The following SLCO2A1 variants were observed in gnomAD, a reference collection of about 807,000 sequenced individuals.
SLCO2A1 encodes the protein solute carrier organic anion transporter family member 2A1.
Under a neutral mutation model 71.7 loss-of-function variants are expected in SLCO2A1, and 60 were observed. The ratio of observed to expected loss-of-function variants is 0.84; its 90% CI spans 0.68 to 1.04. SLCO2A1 has a LOEUF of 1.04. Among genes scored for constraint, SLCO2A1 ranks in the 50% least tolerant of loss-of-function variants. The pLI is 0.00. For missense variants in SLCO2A1, 745 were observed against 813.4 expected (o/e 0.92, Z 1.02); for synonymous variants, 308 against 326.7 (o/e 0.94, Z 0.62).
intron 1 of SLCO2A1, among the ~76,000 whole-genome samples, chr3:133,981,559 A>G (rs1186203151): frequency 6.6e-6 from 1 of 152,188 alleles, no homozygotes; most frequent in Non-Finnish European, 1.5e-5. Flanking sequence ...GAAGCCTCAA[A>G]TGCTTTATTT....
At chr3:133,971,693 C>T (rs1934330860) in intron 3 of SLCO2A1, among the ~76,000 whole-genome samples, 1 of 152,142 alleles carries the variant, frequency 6.6e-6, no homozygotes, top group African/African-American at 2.4e-5. Flanking sequence ...CTCAGCACCT[C>T]CCTGGGGGCT....
intron 10 of SLCO2A1, among the ~76,000 whole-genome samples, chr3:133,943,290 C>G (rs150740094): frequency 3.9e-5 from 6 of 152,148 alleles, no homozygotes; most frequent in Non-Finnish European, 7.3e-5. Context: ...AGAAGGAGGC[C>G]CCTGTCTCAA....
chr3:133,951,055 A>T, intron 6 of SLCO2A1, 153 bp downstream of exon 6: 1 of 1,001,654 alleles, frequency 1.0e-6, no homozygotes, highest in Non-Finnish European at 1.6e-6. Flanking sequence ...CTCACCTCTT[A>T]AAGCCTCTGG....
intron 1 of SLCO2A1, among the ~76,000 whole-genome samples, chr3:134,003,997 T>C (rs961696489): frequency 6.6e-6 from 1 of 152,200 alleles, no homozygotes; most frequent in African/African-American, 2.4e-5. Flanking sequence ...CCAGCCTGCC[T>C]GGGATCATCC....
chr3:133,953,645 T>C lies in SLCO2A1; in HGVS notation c.724+18A>G, dbSNP rs758252873. On this transcript the variant is annotated intron_variant, in intron 5 of 13. Coordinates refer to ENST00000310926, the MANE Select transcript of SLCO2A1 (RefSeq NM_005630.3). ...ATTGAGCTGGGGATGGGAATGGGTG[T>C]CCTCTGCACATACTCACCTGTGTTG... The C allele has an allele frequency of 6.3e-7, 1 of 1,599,124 alleles. No homozygotes were observed. The highest frequency in any genetic ancestry group is 8.6e-7 in the Non-Finnish European group (1 of 1,166,628).
At position 133,979,553 on chromosome 3, in the gene SLCO2A1, G is replaced by T; in HGVS notation, c.162C>A (p.Ser54Arg). 6.2e-7 allele frequency: 1 copy of T among 1,614,144 alleles called. No individual in the cohort carries two copies. Among genetic ancestry groups the T allele is most frequent in the Non-Finnish European group, 8.5e-7 (1 of 1,179,988 alleles). The change falls in exon 2 of 14, where the codon AGC (serine) becomes AGA (arginine). Residue 54 changes from serine to arginine, a missense_variant. Coordinates refer to ENST00000310926, the MANE Select transcript of SLCO2A1 (RefSeq NM_005630.3). ...AGCGCTTCTCAATGGTGGTGAGGCT[G>T]CTCTTGAAGTAGGCGCTGTACAGGA... is the stretch of plus-strand genomic sequence containing the variant. ...CQLLYSAYFK[S>R]SLTTIEKRFG...
chr3:133,992,880 T>G (rs2108065425), intron 1 of SLCO2A1, among the ~76,000 whole-genome samples: 1 of 152,292 alleles, frequency 6.6e-6, no homozygotes, highest in East Asian at 1.9e-4. Context: ...TCGTGCAACC[T>G]TATTACTCTT....
At chr3:133,960,028 G>A (rs1933998563) in intron 3 of SLCO2A1, among the ~76,000 whole-genome samples, 1 of 152,300 alleles carries the variant, frequency 6.6e-6, no homozygotes, top group African/African-American at 2.4e-5. Context: ...GCTGAGGCAG[G>A]AGAATGGCGT....
At chr3:134,002,130 C>T (rs1357063101) in intron 1 of SLCO2A1, among the ~76,000 whole-genome samples, 2 of 152,238 alleles carry the variant, frequency 1.3e-5, no homozygotes, top group East Asian at 3.8e-4. Flanking sequence ...TGACTCCAGC[C>T]TCCCAAAACG....
intron 1 of SLCO2A1, among the ~76,000 whole-genome samples, chr3:134,007,241 G>T (rs1402063703): frequency 6.6e-6 from 1 of 152,122 alleles, no homozygotes. Context: ...TATATGATTT[G>T]CAGACATTTT....
At chr3:133,948,142 C>T (rs1394449529) in intron 8 of SLCO2A1, among the ~76,000 whole-genome samples, 1 of 152,146 alleles carries the variant, frequency 6.6e-6, no homozygotes, top group Non-Finnish European at 1.5e-5. Context: ...TATTGTCTAA[C>T]CAAAGCAAAT....
chr3:133,980,889 C>T (rs1934573056), intron 1 of SLCO2A1, among the ~76,000 whole-genome samples: 1 of 152,234 alleles, frequency 6.6e-6, no homozygotes, highest in Non-Finnish European at 1.5e-5. Flanking sequence ...CTCCTGACTG[C>T]CACCTGAACC....
chr3:133,944,836 C>A (rs1263011660), intron 10 of SLCO2A1, among the ~76,000 whole-genome samples: 1 of 152,214 alleles, frequency 6.6e-6, no homozygotes, highest in Non-Finnish European at 1.5e-5. Flanking sequence ...CTGCTCTGAG[C>A]AGTTAGGCCT....
At position 133,935,870 on chromosome 3, in the gene SLCO2A1, C is replaced by T; in HGVS notation, c.1718G>A (p.Gly573Asp). The T allele has an allele frequency of 1.9e-6, 3 of 1,607,228 alleles. No individual in the cohort carries two copies. Among genetic ancestry groups the T allele is most frequent in the Non-Finnish European group, 2.6e-6 (3 of 1,176,034 alleles). The change falls in exon 13 of 14, where the codon GGC (glycine) becomes GAC (aspartate). Residue 573 changes from glycine (G) to aspartate (D), a missense_variant. By Grantham distance (94) the Gly-to-Asp change is moderately conservative. Coordinates refer to ENST00000310926, the MANE Select transcript of SLCO2A1 (RefSeq NM_005630.3). ...LAWLPSPALY[G>D]LTIDHSCIRW... is the part of the protein sequence containing the mutation. ...GATGCAGGAGTGGTCAATGGTGAGGCCATAGAGGGCTGGAGATGGCAGCCA... is the reference window on the plus strand; with the variant it reads ...GATGCAGGAGTGGTCAATGGTGAGGTCATAGAGGGCTGGAGATGGCAGCCA...
At chr3:133,968,008 T>A (rs1295424161) in intron 3 of SLCO2A1, among the ~76,000 whole-genome samples, 4 of 112,358 alleles carry the variant, frequency 3.6e-5, no homozygotes, top group Non-Finnish European at 7.3e-5. Context: ...CACACACACT[T>A]CCCCATCACA....
rs138159233 is a variant in SLCO2A1 at position 134,022,776 on chromosome 3, C to T, written c.96+6931G>A. On this transcript the variant is annotated intron_variant, in intron 1 of 13. Coordinates refer to ENST00000310926, the MANE Select transcript of SLCO2A1 (RefSeq NM_005630.3). ...ATCATATGAGAAGCACTGTTAAATG[C>T]AAAATGGTATTTGGCTTTCTTTGGT... 2.7e-3 allele frequency among the ~76,000 whole-genome samples: 407 copies of T among 152,204 alleles called. 7 individuals carry two copies. Among genetic ancestry groups the T allele is most frequent in the African/African-American group, 9.4e-3 (390 of 41,542 alleles).
At chr3:133,988,000 C>T (rs529019536) in intron 1 of SLCO2A1, among the ~76,000 whole-genome samples, 2 of 152,328 alleles carry the variant, frequency 1.3e-5, no homozygotes, top group South Asian at 2.1e-4. Flanking sequence ...ACAGAAAAAC[C>T]TTATTCTCAC....
At chr3:134,007,870 C>T (rs1031028006) in intron 1 of SLCO2A1, among the ~76,000 whole-genome samples, 1 of 152,192 alleles carries the variant, frequency 6.6e-6, no homozygotes, top group Non-Finnish European at 1.5e-5. Flanking sequence ...GTGTTCAATT[C>T]ATTCTTCATT....
intron 1 of SLCO2A1, among the ~76,000 whole-genome samples, chr3:134,024,014 A>C (rs146807131): frequency 6.6e-6 from 1 of 152,256 alleles, no homozygotes; most frequent in Non-Finnish European, 1.5e-5. Flanking sequence ...CTCTCATGAC[A>C]GGGAGGAAAC....
Sources: allele counts gnomAD v4.1 joint callset (sites outside exome capture counted in the v4.1 genomes callset), GRCh38; gene constraint gnomAD v4.1.1; transcripts MANE v1.5; gene names NCBI Gene and HGNC (gene_info 2026-07-23, HGNC 2026-07-21).